GPR89A: variants seen among roughly 807,000 people sequenced by gnomAD.
The protein encoded by GPR89A is golgi pH regulator A, also known as G protein-coupled receptor 89A.
GPR89A carries 16 observed loss-of-function variants against 52.0 expected under a neutral mutation model. That is an observed-to-expected ratio of 0.31 (90% CI 0.21 to 0.47). The LOEUF is 0.47. GPR89A is among the 20% of genes least tolerant of loss of function. The probability of loss-of-function intolerance (pLI) is 1.00; values close to 1 mark genes in which losing one functional copy is unlikely to be tolerated. For missense variants in GPR89A, 135 were observed against 449.4 expected (o/e 0.30, Z 6.33); for synonymous variants, 55 against 150.9 (o/e 0.36, Z 4.66).
In GPR89A at chr1:145,654,596, A is replaced by G. The variant is rs587728853; in HGVS notation, c.909+7329A>G. 6.4e-4 allele frequency among the ~76,000 whole-genome samples: 96 copies of G among 149,704 alleles called. 1 individual carries two copies. Among genetic ancestry groups the G allele is most frequent in the Non-Finnish European group, 7.2e-4 (49 of 67,610 alleles). ...ACAGAATGTTGAATATTGACTCCCA[A>G]TTGCTTCTGGCTTATAGGGTTTCCA... On this transcript the variant is annotated intron_variant, in intron 10 of 13. Transcript: ENST00000313835.
intron 5 of GPR89A, among the ~76,000 whole-genome samples, chr1:145,630,006 A>G (rs1649786168): frequency 6.6e-6 from 1 of 152,238 alleles, no homozygotes; most frequent in African/African-American, 2.4e-5. Context: ...TTACTGAGTT[A>G]TTCTTCAGCA....
In GPR89A at chr1:145,608,020, G is replaced by C; in HGVS notation, c.-114G>C. 1 of 1,278,510 alleles carries C rather than the reference G, an allele frequency of 7.8e-7. No individual in the cohort carries two copies. Among genetic ancestry groups the C allele is most frequent in the African/African-American group, 1.5e-5 (1 of 66,544 alleles). 79.2% of individuals were successfully genotyped at this position (1,278,510 alleles called of 1,614,324 possible). A position where few individuals can be genotyped will look rare whatever the true frequency, so the allele number is the denominator to read the frequency against. Reference sequence around the variant, plus strand: ...GATGGCGTCGGGCTGGAGAGCCGCAGTCCCGGCTGCAGCACCTGGGAGAAG... The same window carrying C: ...GATGGCGTCGGGCTGGAGAGCCGCACTCCCGGCTGCAGCACCTGGGAGAAG... On this transcript the variant is annotated 5_prime_UTR_variant, in exon 1 of 14. Transcript: ENST00000313835.
chr1:145,619,446 C>T (rs1648957161), intron 3 of GPR89A, among the ~76,000 whole-genome samples: 1 of 151,004 alleles, frequency 6.6e-6, no homozygotes, highest in Admixed American at 6.6e-5. Context: ...CCTGTCTCTA[C>T]AAAAAAATAA....
chr1:145,659,355 T>C (rs1490969413), intron 10 of GPR89A, among the ~76,000 whole-genome samples: 3 of 151,758 alleles, frequency 2.0e-5, no homozygotes, highest in Non-Finnish European at 4.4e-5. Context: ...CGGCTAACTT[T>C]TTTGTATTTT....
At chr1:145,627,122 A>T (rs1483418951) in intron 5 of GPR89A, among the ~76,000 whole-genome samples, 5 of 151,186 alleles carry the variant, frequency 3.3e-5, no homozygotes, top group Admixed American at 1.3e-4. Context: ...CAAAGGTGAG[A>T]TGATCTTCTG....
intron 9 of GPR89A, chr1:145,646,895 C>T: frequency 2.5e-6 from 1 of 404,068 alleles, no homozygotes; most frequent in Non-Finnish European, 4.5e-6. Context: ...CTCTCAAAGC[C>T]TCAATTTTCT....
chr1:145,645,290 G>A lies in GPR89A; in HGVS notation c.728-894G>A, dbSNP rs1210430093. 381 of 320,920 alleles carry A rather than the reference G, an allele frequency of 1.2e-3. 5 individuals carry two copies. The highest frequency in any genetic ancestry group is 7.9e-3 in the African/African-American group (362 of 45,846). 19.9% of individuals were successfully genotyped at this position (320,920 alleles called of 1,614,324 possible). On this transcript the variant is annotated intron_variant, in intron 8 of 13. Coordinates refer to ENST00000313835, the MANE Select transcript of GPR89A (RefSeq NM_001097612.2). ...GCCACTATTAAGGAAGGAACTGAAG[G>A]GCACTTACTGATTTGGGTAATAGTG...
At chr1:145,669,595 G>A (rs1553697092) in intron 12 of GPR89A, 30 bp from the exon 13 acceptor site, 1 of 1,609,930 alleles carries the variant, frequency 6.2e-7, no homozygotes, top group African/African-American at 1.4e-5. Flanking sequence ...TAACACTACT[G>A]CATAAATTCA....
chr1:145,658,212 T>C (rs1216650366), intron 10 of GPR89A, among the ~76,000 whole-genome samples: 6 of 152,242 alleles, frequency 3.9e-5, no homozygotes, highest in Non-Finnish European at 5.9e-5. Flanking sequence ...TATATTTTTT[T>C]TCATAGAGAC....
At chr1:145,645,562 G>C (rs1553692384) in intron 8 of GPR89A, 1 of 453,868 alleles carries the variant, frequency 2.2e-6, no homozygotes, top group East Asian at 6.9e-5. Context: ...AATGGAAAGA[G>C]CAGGCTTTGG....
intron 7 of GPR89A, among the ~76,000 whole-genome samples, chr1:145,641,883 G>A (rs1408823623): frequency 1.6e-4 from 24 of 152,070 alleles, no homozygotes; most frequent in East Asian, 1.9e-4. Flanking sequence ...TCCTATTCAC[G>A]CTTCGGAAGG....
intron 10 of GPR89A, among the ~76,000 whole-genome samples, chr1:145,647,523 G>T (rs1337997750): frequency 1.3e-5 from 2 of 151,708 alleles, no homozygotes; most frequent in African/African-American, 4.8e-5. Flanking sequence ...CTAAATTGAG[G>T]CCGGGCATGG....
intron 7 of GPR89A, among the ~76,000 whole-genome samples, chr1:145,643,403 T>G (rs1220610799): frequency 6.6e-6 from 1 of 151,910 alleles, no homozygotes; most frequent in Non-Finnish European, 1.5e-5. Context: ...CAACCTCAGG[T>G]GATCCACCTG....
intron 10 of GPR89A, among the ~76,000 whole-genome samples, chr1:145,658,988 G>A (rs1553694980): frequency 6.6e-6 from 1 of 152,028 alleles, no homozygotes; most frequent in African/African-American, 2.4e-5. Context: ...ATGTTGGCCA[G>A]GCTGGTCTCA....
chr1:145,619,179 T>TG (rs1371485400), intron 3 of GPR89A, among the ~76,000 whole-genome samples: 3 of 151,978 alleles, frequency 2.0e-5, no homozygotes, highest in African/African-American at 7.2e-5. Context: ...TATAGACCCC[T>TG]GGCACTTGAG....
intron 3 of GPR89A, 92 bp from the exon 4 acceptor site, chr1:145,622,962 C>A: frequency 6.3e-7 from 1 of 1,593,692 alleles, no homozygotes; most frequent in Non-Finnish European, 8.6e-7. Flanking sequence ...AATATTGAGT[C>A]CAAAGAGCAA....
intron 10 of GPR89A, among the ~76,000 whole-genome samples, chr1:145,650,659 CTT>C (rs1553693391): frequency 6.6e-6 from 1 of 151,328 alleles, no homozygotes; most frequent in Admixed American, 6.6e-5. Flanking sequence ...TGTTTCTTGA[CTT>C]TTTAATAATT....
intron 5 of GPR89A, among the ~76,000 whole-genome samples, chr1:145,625,872 C>T (rs1243509104): frequency 1.3e-5 from 2 of 150,756 alleles, no homozygotes; most frequent in Admixed American, 6.6e-5. Flanking sequence ...TATGGGCTCC[C>T]TGAGGTCAGA....
At chr1:145,667,821 A>T (rs1483910246) in intron 12 of GPR89A, among the ~76,000 whole-genome samples, 2 of 152,158 alleles carry the variant, frequency 1.3e-5, no homozygotes, top group Non-Finnish European at 2.9e-5. Context: ...CCATTTGTTA[A>T]ATAGGGAATC....
Sources: allele counts gnomAD v4.1 joint callset (sites outside exome capture counted in the v4.1 genomes callset), GRCh38; gene constraint gnomAD v4.1.1; transcripts MANE v1.5; gene names NCBI Gene and HGNC (gene_info 2026-07-23, HGNC 2026-07-21).